Variants in PLPPR1 observed in about 807,000 individuals in gnomAD.
The protein encoded by PLPPR1 is phospholipid phosphatase related 1.
A neutral mutation model predicts 33.1 loss-of-function variants in PLPPR1; 10 were observed. The observed-to-expected ratio is 0.30, with a 90% CI of 0.19 to 0.51. PLPPR1 has a LOEUF of 0.51. Among genes scored for constraint, PLPPR1 ranks in the 20% least tolerant of loss-of-function variants. PLPPR1 has a pLI of 0.97. For missense variants in PLPPR1, 304 were observed against 408.1 expected, an observed-to-expected ratio of 0.74 and a Z score of 2.20; for synonymous variants, 151 against 151.0, an observed-to-expected ratio of 1.00 and a Z score of 0.00.
intron 5 of PLPPR1, 75 bp downstream of exon 5, chr9:101,309,536 T>C (rs1828919117): frequency 1.3e-6 from 2 of 1,508,734 alleles, no homozygotes; most frequent in Non-Finnish European, 9.0e-7. Flanking sequence ...GTCTCCATTC[T>C]TTCATTGTCA....
At chr9:101,201,086 G>A (rs982522210) in intron 2 of PLPPR1, among the ~76,000 whole-genome samples, 7 of 152,182 alleles carry the variant, frequency 4.6e-5, no homozygotes, top group Admixed American at 3.9e-4. Context: ...AGCTTGTCTG[G>A]TAAGGGCTGC....
intron 2 of PLPPR1, among the ~76,000 whole-genome samples, chr9:101,198,208 ACAT>A: frequency 6.6e-6 from 1 of 152,148 alleles, no homozygotes; most frequent in Non-Finnish European, 1.5e-5. Context: ...TGGTGCATGT[ACAT>A]CAGTAAACAA....
chr9:101,242,111 C>T (rs1328483413), intron 2 of PLPPR1, among the ~76,000 whole-genome samples: 3 of 151,962 alleles, frequency 2.0e-5, no homozygotes, highest in Admixed American at 1.3e-4. Flanking sequence ...TTTGCTGGCA[C>T]TAACAGCACC....
intron 1 of PLPPR1, among the ~76,000 whole-genome samples, chr9:101,115,281 G>A (rs538613450): frequency 3.9e-5 from 6 of 152,268 alleles, no homozygotes; most frequent in Non-Finnish European, 7.3e-5. Flanking sequence ...ACATGTATCC[G>A]TGCTCCCAGG....
intron 1 of PLPPR1, among the ~76,000 whole-genome samples, chr9:101,035,232 A>G (rs907227908): frequency 6.6e-6 from 1 of 151,606 alleles, no homozygotes; most frequent in Non-Finnish European, 1.5e-5. Context: ...AAAATTTGTC[A>G]TGTGTTCTAA....
intron 1 of PLPPR1, among the ~76,000 whole-genome samples, chr9:101,175,002 A>G (rs1387272678): frequency 6.6e-6 from 1 of 152,204 alleles, no homozygotes; most frequent in Non-Finnish European, 1.5e-5. Flanking sequence ...GTACATAAAC[A>G]AATTTTGGTA....
chr9:101,213,149 CCTAT>C lies in PLPPR1; in HGVS notation c.63+27596_63+27599del, dbSNP rs1007616256. On this transcript the variant is annotated intron_variant, in intron 2 of 7. Transcript: ENST00000374874. ...GGTTCAAATTCATGGTGGTTTTATT[CCTAT>C]CTAATAGTCTACTCGATCATTCCTT... is the stretch of plus-strand genomic sequence containing the variant. Among the ~76,000 whole-genome samples the C allele has an allele frequency of 3.3e-5, 5 of 152,192 alleles. No individual in the cohort carries two copies. The East Asian group carries it at 5.8e-4, about 18-fold the overall frequency.
intron 7 of PLPPR1, 40 bp from the exon 8 acceptor site, chr9:101,323,985 A>G: frequency 6.2e-7 from 1 of 1,601,066 alleles, no homozygotes. Flanking sequence ...GTGTCAGGCA[A>G]CCCTATCTCA....
intron 2 of PLPPR1, chr9:101,187,853 A>C (rs1402026867): frequency 6.6e-6 from 1 of 152,042 alleles, no homozygotes; most frequent in East Asian, 1.9e-4. Flanking sequence ...AAGGAAAATA[A>C]AATGTTACAG....
chr9:101,077,480 T>A (rs1830553243), intron 1 of PLPPR1, among the ~76,000 whole-genome samples: 1 of 152,228 alleles, frequency 6.6e-6, no homozygotes, highest in Admixed American at 6.5e-5. Flanking sequence ...TTCAAATAGT[T>A]ATGCATTCAA....
rs548804989 is a variant in PLPPR1, at chr9:101,243,468, G to T, written c.64-26412G>T. On this transcript the variant is annotated intron_variant, in intron 2 of 7. Transcript: ENST00000374874. ...CATATTAAGAATATTAAATTGATCA[G>T]ATTTACAGTCTGGCTAAATATGGAG... Among the ~76,000 whole-genome samples, 68 of 152,038 alleles carry T rather than the reference G, an allele frequency of 4.5e-4. 1 individual carries two copies. The highest frequency in any genetic ancestry group is 3.4e-3 in the Middle Eastern group (1 of 294).
At chr9:101,309,507 A>G in intron 5 of PLPPR1, 46 bp downstream of exon 5, 1 of 1,593,644 alleles carries the variant, frequency 6.3e-7, no homozygotes, top group Non-Finnish European at 8.6e-7. Flanking sequence ...TTTTGATAGG[A>G]TGTGTGTCTC....
intron 4 of PLPPR1, among the ~76,000 whole-genome samples, chr9:101,302,105 C>A (rs1407479555): frequency 6.6e-6 from 1 of 152,180 alleles, no homozygotes; most frequent in Non-Finnish European, 1.5e-5. Context: ...AGCTGTATGA[C>A]CTTGGTCAAG....
At chr9:101,265,968 C>G (rs1034437743) in intron 2 of PLPPR1, among the ~76,000 whole-genome samples, 1 of 151,746 alleles carries the variant, frequency 6.6e-6, no homozygotes, top group East Asian at 2.0e-4. Context: ...TGCACACCAG[C>G]CTGGGCGACA....
chr9:101,319,027 A>G (rs1215978874), intron 7 of PLPPR1, among the ~76,000 whole-genome samples: 1 of 152,208 alleles, frequency 6.6e-6, no homozygotes, highest in Admixed American at 6.5e-5. Context: ...TTTCCTACTC[A>G]AGCATTTTTA....
At chr9:101,247,991 G>A (rs1165324174) in intron 2 of PLPPR1, among the ~76,000 whole-genome samples, 1 of 151,980 alleles carries the variant, frequency 6.6e-6, no homozygotes, top group African/African-American at 2.4e-5. Context: ...TTCAGGAAAA[G>A]GGTGGCCTAA....
chr9:101,045,200 G>C (rs889220013), intron 1 of PLPPR1, among the ~76,000 whole-genome samples: 2 of 152,182 alleles, frequency 1.3e-5, no homozygotes. Flanking sequence ...CTGTAGAGCT[G>C]GGAGTGGGAG....
chr9:101,150,508 CT>C (rs1198562282), intron 1 of PLPPR1, among the ~76,000 whole-genome samples: 2 of 152,164 alleles, frequency 1.3e-5, no homozygotes, highest in South Asian at 4.1e-4. Flanking sequence ...GTTGAGCCTT[CT>C]TATGTCAAAA....
At chr9:101,076,192 C>T (rs1418978476) in intron 1 of PLPPR1, among the ~76,000 whole-genome samples, 7 of 152,150 alleles carry the variant, frequency 4.6e-5, no homozygotes, top group South Asian at 2.1e-4. Flanking sequence ...CCCAGCCATC[C>T]GTGTTCTAAC....
Sources: allele counts gnomAD v4.1 joint callset (sites outside exome capture counted in the v4.1 genomes callset), GRCh38; gene constraint gnomAD v4.1.1; transcripts MANE v1.5; gene names NCBI Gene and HGNC (gene_info 2026-07-23, HGNC 2026-07-21).